The following SRP54 variants were observed in gnomAD, a reference collection of about 807,000 sequenced individuals.
SRP54 encodes signal recognition particle subunit SRP54.
Under a neutral mutation model 64.8 loss-of-function variants are expected in SRP54, and 10 were observed. The observed-to-expected ratio is 0.15, with a 90% CI of 0.10 to 0.26. The LOEUF (loss-of-function observed/expected upper bound fraction) is 0.26. Ranked by LOEUF, SRP54 falls within the 10% of genes least tolerant of loss-of-function variation. The pLI is 1.00. For missense variants in SRP54, 325 were observed against 613.7 expected, an observed-to-expected ratio of 0.53 and a Z score of 4.97; for synonymous variants, 193 against 185.6, an observed-to-expected ratio of 1.04 and a Z score of -0.32.
At chr14:35,010,900 GA>G (rs1265585865) in intron 7 of SRP54, among the ~76,000 whole-genome samples, 3 of 152,142 alleles carry the variant, frequency 2.0e-5, no homozygotes, top group African/African-American at 2.4e-5. Context: ...ATGTGTTACA[GA>G]AATATTTTTT....
chr14:34,996,199 A>G (rs1044938056), intron 1 of SRP54, among the ~76,000 whole-genome samples: 1 of 152,076 alleles, frequency 6.6e-6, no homozygotes, highest in Non-Finnish European at 1.5e-5. Context: ...CTTTTTTTGT[A>G]CTAGAAAAGT....
At chr14:34,987,275 G>GTGTATA (rs1555352664) in intron 1 of SRP54, among the ~76,000 whole-genome samples, 41 of 131,510 alleles carry the variant, frequency 3.1e-4, no homozygotes, top group African/African-American at 4.7e-4. Context: ...GTGTGTGTGT[G>GTGTATA]TATATATATA....
chr14:34,998,438 T>C (rs753540678), intron 2 of SRP54, among the ~76,000 whole-genome samples: 8 of 152,200 alleles, frequency 5.3e-5, no homozygotes, highest in Non-Finnish European at 1.2e-4. Context: ...CCACCTGTAT[T>C]CTGCTGCTCT....
At chr14:35,016,853 TTTTTTTTC>T (rs1566653966) in intron 11 of SRP54, among the ~76,000 whole-genome samples, 19 of 144,040 alleles carry the variant, frequency 1.3e-4, no homozygotes, top group Admixed American at 4.9e-4. Flanking sequence ...TTCTTTTTTT[TTTTTTTTC>T]TTCTTTTTTT....
chr14:34,987,244 A>ATATATATAT (rs200304562), intron 1 of SRP54, among the ~76,000 whole-genome samples: 4 of 106,824 alleles, frequency 3.7e-5, no homozygotes, highest in African/African-American at 1.2e-4. Flanking sequence ...AAAAAAAAAA[A>ATATATATAT]AAATATATAT....
intron 2 of SRP54, 59 bp downstream of exon 2, chr14:34,996,846 A>G (rs1257149294): frequency 4.1e-6 from 5 of 1,219,174 alleles, no homozygotes; most frequent in African/African-American, 3.0e-5. Context: ...CATTGGGAAG[A>G]TGGCTTATTC....
chr14:35,004,222 C>G (rs968462733), intron 4 of SRP54, among the ~76,000 whole-genome samples: 1 of 152,154 alleles, frequency 6.6e-6, no homozygotes, highest in Non-Finnish European at 1.5e-5. Context: ...TGCACCCAGC[C>G]TAGGCCACGA....
At position 35,027,026 on chromosome 14, in the gene SRP54, CT is replaced by C. The variant is rs368696128; in HGVS notation, c.1328-1046del. On this transcript the variant is annotated intron_variant, in intron 14 of 15. Transcript: ENST00000216774. ...AGACTCATACTTTACTTTCTACTTT[CT>C]TTTTTTTTTTTTTTTCTTCTGAGAC... Among the ~76,000 whole-genome samples the C allele has an allele frequency of 8.6e-3, 1,159 of 135,018 alleles. 21 individuals are homozygous for C. Among genetic ancestry groups the C allele is most frequent in the African/African-American group, 0.026 (969 of 36,766 alleles). The allele number at this position is 135,018 out of a possible 152,430, so 88.6% of individuals were successfully genotyped here.
At position 35,022,975 on chromosome 14, in the gene SRP54, A is replaced by G. The variant is rs1199749218; in HGVS notation, c.1222A>G (p.Arg408Gly). Residue 408 changes from arginine (R) to glycine (G), a missense_variant, in exon 14 of 16, where the codon AGA becomes GGA. Coordinates refer to ENST00000216774, the MANE Select transcript of SRP54 (RefSeq NM_003136.4). ...KQPGRIQRVA[R>G]GSGVSTRDVQ... Reference sequence around the variant, plus strand: ...ACCAGGAAGAATCCAAAGAGTAGCAAGAGGATCGGGTGTATCAACAAGAGA... The same window carrying G: ...ACCAGGAAGAATCCAAAGAGTAGCAGGAGGATCGGGTGTATCAACAAGAGA... 1 of 1,613,922 alleles carries G rather than the reference A, an allele frequency of 6.2e-7. No individual in the cohort carries two copies. The highest frequency in any genetic ancestry group is 2.2e-5 in the East Asian group (1 of 44,854).
intron 14 of SRP54, among the ~76,000 whole-genome samples, chr14:35,026,504 G>C (rs2044627911): frequency 6.6e-6 from 1 of 151,972 alleles, no homozygotes; most frequent in Admixed American, 6.6e-5. Context: ...GAAGTGCTGG[G>C]ATTACAAATG....
At chr14:34,983,601 A>G (rs574882750) in intron 1 of SRP54, among the ~76,000 whole-genome samples, 5 of 152,140 alleles carry the variant, frequency 3.3e-5, no homozygotes, top group African/African-American at 1.2e-4. Context: ...TAGACGTTCA[A>G]TAAACGAATA....
chr14:34,999,482 G>A (rs1005475673), intron 2 of SRP54, 76 bp from the exon 3 acceptor site: 5 of 1,062,968 alleles, frequency 4.7e-6, no homozygotes, highest in Non-Finnish European at 7.2e-6. Context: ...GGTTATGTAA[G>A]TGATCAACAA....
chr14:34,986,141 G>A (rs61989477), intron 1 of SRP54, among the ~76,000 whole-genome samples: 1 of 151,434 alleles, frequency 6.6e-6, no homozygotes, highest in African/African-American at 2.4e-5. Flanking sequence ...TTTTTTTTTG[G>A]TATACCTTTT....
At chr14:34,998,930 CTT>C (rs1566645383) in intron 2 of SRP54, among the ~76,000 whole-genome samples, 1 of 143,706 alleles carries the variant, frequency 7.0e-6, no homozygotes, top group Admixed American at 7.0e-5. Flanking sequence ...TTTGTAGTAA[CTT>C]TTTTTGGCTT....
At chr14:34,992,383 T>G (rs2043994889) in intron 1 of SRP54, among the ~76,000 whole-genome samples, 1 of 152,090 alleles carries the variant, frequency 6.6e-6, no homozygotes, top group African/African-American at 2.4e-5. Context: ...CTCACAGAAG[T>G]TTTTAAAATT....
At chr14:35,018,671 A>C in intron 11 of SRP54, 21 bp from the exon 12 acceptor site, 1 of 1,593,022 alleles carries the variant, frequency 6.3e-7, no homozygotes, top group Non-Finnish European at 8.6e-7. Context: ...ATATATCCGA[A>C]TTATTTACAT....
intron 1 of SRP54, among the ~76,000 whole-genome samples, chr14:34,984,499 A>G (rs1431482024): frequency 6.6e-6 from 1 of 151,874 alleles, no homozygotes; most frequent in Admixed American, 6.6e-5. Flanking sequence ...TATTCTTTTC[A>G]TTTCCAAACC....
intron 11 of SRP54, among the ~76,000 whole-genome samples, chr14:35,016,170 T>C (rs1362122512): frequency 6.6e-6 from 1 of 152,198 alleles, no homozygotes; most frequent in Non-Finnish European, 1.5e-5. Flanking sequence ...ATCTTCTTAT[T>C]GTAAGTCTTT....
intron 1 of SRP54, among the ~76,000 whole-genome samples, chr14:34,995,188 T>TGTAG (rs1555353238): frequency 5.0e-5 from 4 of 79,888 alleles, no homozygotes; most frequent in African/African-American, 1.8e-4. Flanking sequence ...TGTGTGTGTG[T>TGTAG]AGAGAGAGAG....
Sources: allele counts gnomAD v4.1 joint callset (sites outside exome capture counted in the v4.1 genomes callset), GRCh38; gene constraint gnomAD v4.1.1; transcripts MANE v1.5; gene names NCBI Gene and HGNC (gene_info 2026-07-23, HGNC 2026-07-21).